MINAR1: variants seen among roughly 807,000 people sequenced by gnomAD.
MINAR1 encodes major intrinsically disordered Notch2-binding receptor 1.
Under a neutral mutation model 65.1 loss-of-function variants are expected in MINAR1, and 40 were observed. The ratio of observed to expected loss-of-function variants is 0.61; its 90% CI spans 0.48 to 0.80. The LOEUF is 0.80. Ranked by LOEUF, MINAR1 falls within the 30% of genes least tolerant of loss-of-function variation. MINAR1 has a pLI of 0.00. For missense variants in MINAR1, 1,128 were observed against 1,148.0 expected, an observed-to-expected ratio of 0.98 and a Z score of 0.25; for synonymous variants, 482 against 449.1, an observed-to-expected ratio of 1.07 and a Z score of -0.93.
the MINAR1 span, chr15:79,421,802 A>G: frequency 6.6e-6 from 1 of 152,280 alleles, no homozygotes; most frequent in African/African-American, 2.4e-5. Context: ...AGGCAAAGCG[A>G]GCACTTCTCC....
At chr15:79,417,087 G>A in the MINAR1 span, 1 of 152,204 alleles carries the variant, frequency 6.6e-6, no homozygotes. Context: ...CCCACAGAGA[G>A]GGCCAGCAGG....
intron 2 of MINAR1, among the ~76,000 whole-genome samples, chr15:79,460,975 G>A (rs1047372552): frequency 1.3e-5 from 2 of 152,090 alleles, no homozygotes; most frequent in Non-Finnish European, 2.9e-5. Context: ...AAGACTCTCT[G>A]GTCCACCTCC....
chr15:79,433,029 G>A (rs1452489394), intron 1 of MINAR1, among the ~76,000 whole-genome samples: 1 of 152,244 alleles, frequency 6.6e-6, no homozygotes, highest in Non-Finnish European at 1.5e-5. Context: ...TCACGTTGAT[G>A]TGGAATGGGA....
chr15:79,429,479 T>C (rs1445784247), upstream of MINAR1, among the ~76,000 whole-genome samples: 2 of 152,220 alleles, frequency 1.3e-5, no homozygotes, highest in Non-Finnish European at 2.9e-5. Context: ...TTGCCAATGA[T>C]ATTATGAAGT....
intron 3 of MINAR1, among the ~76,000 whole-genome samples, chr15:79,466,970 T>C (rs1029437303): frequency 6.6e-6 from 1 of 152,108 alleles, no homozygotes; most frequent in African/African-American, 2.4e-5. Context: ...TACCTCAATC[T>C]CTCTTTCTTC....
intron 1 of MINAR1, among the ~76,000 whole-genome samples, chr15:79,443,332 T>G (rs1894923568): frequency 6.6e-6 from 1 of 151,998 alleles, no homozygotes; most frequent in African/African-American, 2.4e-5. Flanking sequence ...ATAAGAAGAG[T>G]GGTTTGACTA....
intron 1 of MINAR1, among the ~76,000 whole-genome samples, chr15:79,439,278 T>G (rs1195955011): frequency 3.0e-5 from 1 of 33,084 alleles, no homozygotes; most frequent in African/African-American, 1.3e-4. Context: ...GGGTGTGGGG[T>G]GGATAGTGAG....
chr15:79,437,718 G>T (rs1361689090), intron 1 of MINAR1, among the ~76,000 whole-genome samples: 2 of 71,144 alleles, frequency 2.8e-5, no homozygotes, highest in Non-Finnish European at 6.6e-5. Flanking sequence ...GGGTGTGGGT[G>T]GGTAGTGAGT....
the MINAR1 span, chr15:79,422,886 T>C: frequency 6.6e-6 from 1 of 152,222 alleles, no homozygotes; most frequent in African/African-American, 2.4e-5. Flanking sequence ...AGAGTGTATA[T>C]TGGTGTAACC....
rs1170791580 is a variant in MINAR1, at chr15:79,457,143, T to A, written c.996T>A (p.Asp332Glu). The change falls in exon 2 of 4, where the codon GAT becomes GAA. Residue 332 changes from aspartate (D) to glutamate (E), a missense_variant. By Grantham distance (45) the Asp-to-Glu change is conservative. Coordinates refer to ENST00000305428, the MANE Select transcript of MINAR1 (RefSeq NM_015206.3). ...DKRRAKHESLDDLQASTYFGP... is the reference protein window; with the variant it reads ...DKRRAKHESLEDLQASTYFGP... The stretch of plus-strand genomic sequence containing the variant: ...GGCGAGCAAAGCACGAAAGCTTAGA[T>A]GACCTTCAAGCCTCTACATATTTTG... 1.2e-6 allele frequency: 2 copies of A among 1,614,064 alleles called. No homozygotes were observed. Among genetic ancestry groups the A allele is most frequent in the African/African-American group, 2.7e-5 (2 of 74,928 alleles).
At chr15:79,452,512 ATG>A (rs1348786404) in intron 1 of MINAR1, among the ~76,000 whole-genome samples, 1 of 135,910 alleles carries the variant, frequency 7.4e-6, no homozygotes, top group African/African-American at 2.8e-5. Flanking sequence ...AGCTATATGA[ATG>A]TATGGGTATG....
rs1468787055 is a variant in MINAR1 at position 79,468,654 on chromosome 15, T to C, written c.*270T>C. Reference sequence around the variant, plus strand: ...AAGAACATCATGGACTATCAATAAATACAAATTGAATATTCCAAGCCAAAA... The same window carrying C: ...AAGAACATCATGGACTATCAATAAACACAAATTGAATATTCCAAGCCAAAA... On this transcript the variant is annotated 3_prime_UTR_variant, in exon 4 of 4. Coordinates refer to ENST00000305428, the MANE Select transcript of MINAR1 (RefSeq NM_015206.3). The C allele has an allele frequency of 6.9e-6, 3 of 436,100 alleles. No individual in the cohort carries two copies. Among genetic ancestry groups the C allele is most frequent in the African/African-American group, 3.9e-5 (2 of 51,026 alleles). The allele number at this position is 436,100 out of a possible 1,614,324, so 27.0% of individuals were successfully genotyped here.
intron 1 of MINAR1, among the ~76,000 whole-genome samples, chr15:79,442,955 T>A (rs1322799613): frequency 1.3e-5 from 2 of 152,158 alleles, no homozygotes; most frequent in Non-Finnish European, 2.9e-5. Flanking sequence ...ACCTGCCACT[T>A]GTTTTGTTTT....
intron 1 of MINAR1, among the ~76,000 whole-genome samples, chr15:79,452,061 CAG>C (rs1462427952): frequency 1.3e-5 from 2 of 151,794 alleles, no homozygotes; most frequent in Non-Finnish European, 2.9e-5. Flanking sequence ...TGTGTGTGTG[CAG>C]AGGTGTGAAT....
chr15:79,468,336 C>A lies in MINAR1; in HGVS notation c.2703C>A (p.Cys901Ter). ...CTGCTCTGATCGCTGCTGCGGCATGCACCGTCATCCTCGTTATTGTCGTGC... is the reference window on the plus strand; with the variant it reads ...CTGCTCTGATCGCTGCTGCGGCATGAACCGTCATCCTCGTTATTGTCGTGC... ...KIAALIAAAA[C>*]TVILVIVVPI... is the part of the protein sequence containing the mutation. The change falls in exon 4 of 4, where the codon TGC becomes TGA. Residue 901 changes from cysteine (C) to a stop codon, truncating the protein, a stop_gained. Transcript: ENST00000305428. LOFTEE classifies it high-confidence loss of function. 4.3e-6 allele frequency: 7 copies of A among 1,614,120 alleles called. No homozygotes were observed. The highest frequency in any genetic ancestry group is 5.9e-6 in the Non-Finnish European group (7 of 1,180,010).
Position 79,457,355 on chromosome 15 carries a change from C to A in MINAR1, c.1208C>A (p.Pro403His). 6.2e-7 allele frequency: 1 copy of A among 1,614,176 alleles called. No individual in the cohort carries two copies. The highest frequency in any genetic ancestry group is 8.5e-7 in the Non-Finnish European group (1 of 1,180,038). Residue 403 changes from proline (P) to histidine (H), a missense_variant, in exon 2 of 4, where the codon CCC becomes CAC. By Grantham distance (77) the Pro-to-His change is moderately conservative. Coordinates refer to ENST00000305428, the MANE Select transcript of MINAR1 (RefSeq NM_015206.3). Reference sequence around the variant, plus strand: ...TATCCAAATGCCAGTAGCCAGACCCCCAATTTCCCAGCCCCAGAAAGGCGC... The same window carrying A: ...TATCCAAATGCCAGTAGCCAGACCCACAATTTCCCAGCCCCAGAAAGGCGC... ...LHYPNASSQT[P>H]NFPAPERRPT...
the MINAR1 span, chr15:79,417,487 G>A: frequency 1.3e-5 from 2 of 152,216 alleles, no homozygotes; most frequent in South Asian, 4.1e-4. Context: ...TGGCTTGTTA[G>A]TGTCTGACTT....
At chr15:79,442,513 A>G (rs1254238974) in intron 1 of MINAR1, among the ~76,000 whole-genome samples, 1 of 151,700 alleles carries the variant, frequency 6.6e-6, no homozygotes, top group African/African-American at 2.4e-5. Flanking sequence ...TATTTTGACC[A>G]GAATTCTTAG....
Position 79,457,285 on chromosome 15 carries a change from G to A in MINAR1, c.1138G>A (p.Glu380Lys), listed in dbSNP as rs199834575. Residue 380 changes from glutamate to lysine, a missense_variant, in exon 2 of 4, where the codon GAA (glutamate) becomes AAA (lysine). Physicochemically the swap from Glu to Lys is moderately conservative, Grantham distance 56. Coordinates refer to ENST00000305428, the MANE Select transcript of MINAR1 (RefSeq NM_015206.3). ...AAACACAGAGGAAGTTCCTGACTTT[G>A]AACGGTCCTTTTTCAATAGAAATCC... ...SLNTEEVPDF[E>K]RSFFNRNPSE... The A allele has an allele frequency of 3.1e-6, 5 of 1,614,178 alleles. No homozygotes were observed. Among genetic ancestry groups the A allele is most frequent in the Non-Finnish European group, 4.2e-6 (5 of 1,180,038 alleles).
Sources: gnomAD v4.1 joint callset for allele counts (sites outside exome capture counted in the v4.1 genomes callset) on GRCh38, gnomAD v4.1.1 for gene constraint, MANE v1.5 for transcripts, NCBI Gene and HGNC (gene_info 2026-07-23, HGNC 2026-07-21) for gene names.